KDM4C: variants seen among roughly 807,000 people sequenced by gnomAD.
KDM4C encodes lysine demethylase 4C.
Under a neutral mutation model 129.3 loss-of-function variants are expected in KDM4C, and 81 were observed. That is an observed-to-expected ratio of 0.63 (90% CI 0.52 to 0.75). KDM4C has a LOEUF of 0.75. Ranked by LOEUF, KDM4C falls within the 30% of genes least tolerant of loss-of-function variation. The pLI is 0.00. For synonymous variants in KDM4C, 573 were observed against 456.1 expected (o/e 1.26, Z -3.26); for missense variants, 1,457 against 1,304.0 (o/e 1.12, Z -1.81).
chr9:6,831,937 A>G (rs1834901431), intron 4 of KDM4C, among the ~76,000 whole-genome samples: 2 of 152,232 alleles, frequency 1.3e-5, no homozygotes, highest in Middle Eastern at 3.2e-3. Context: ...TTAGTAAGGA[A>G]GGTGAAACTA....
chr9:6,971,891 T>C (rs1380718516), intron 8 of KDM4C, among the ~76,000 whole-genome samples: 1 of 152,216 alleles, frequency 6.6e-6, no homozygotes, highest in Non-Finnish European at 1.5e-5. Flanking sequence ...GACTTGTTTC[T>C]AACATTGCTG....
At chr9:6,737,663 T>TC (rs1817568456) in intron 1 of KDM4C, among the ~76,000 whole-genome samples, 1 of 28,110 alleles carries the variant, frequency 3.6e-5, no homozygotes, top group Admixed American at 4.8e-4. Context: ...AGACTTCATC[T>TC]CAAAAAAAAA....
At chr9:7,108,568 G>A (rs1837964587) in intron 18 of KDM4C, among the ~76,000 whole-genome samples, 3 of 152,120 alleles carry the variant, frequency 2.0e-5, no homozygotes, top group Admixed American at 2.0e-4. Flanking sequence ...GGGTCTTTAG[G>A]CCAGCTCCCA....
At chr9:6,917,281 C>G (rs1442142478) in intron 8 of KDM4C, among the ~76,000 whole-genome samples, 1 of 152,164 alleles carries the variant, frequency 6.6e-6, no homozygotes, top group Admixed American at 6.6e-5. Flanking sequence ...ATCTACACCA[C>G]CTGTCTCTCA....
intron 17 of KDM4C, among the ~76,000 whole-genome samples, chr9:7,063,750 A>G (rs904765015): frequency 6.6e-6 from 1 of 152,214 alleles, no homozygotes; most frequent in African/African-American, 2.4e-5. Context: ...AACTTTCTGG[A>G]AGAAACAGTG....
chr9:6,744,385 C>T (rs571386864), intron 1 of KDM4C, among the ~76,000 whole-genome samples: 8 of 152,122 alleles, frequency 5.3e-5, no homozygotes, highest in Admixed American at 5.2e-4. Flanking sequence ...ATTAGCTGGG[C>T]ATGGTGGCGT....
At chr9:6,792,115 C>T (rs1826767484) in intron 1 of KDM4C, among the ~76,000 whole-genome samples, 1 of 152,118 alleles carries the variant, frequency 6.6e-6, no homozygotes, top group African/African-American at 2.4e-5. Context: ...CAGAGGCTGG[C>T]GGATTGGCTG....
chr9:6,828,054 C>T (rs1834173556), intron 4 of KDM4C, among the ~76,000 whole-genome samples: 2 of 152,180 alleles, frequency 1.3e-5, no homozygotes, highest in South Asian at 2.1e-4. Context: ...GTTGGAAGAG[C>T]AGTTAAAGCC....
Position 6,992,660 on chromosome 9 carries a change from A to G in KDM4C, c.1786+2136A>G, listed in dbSNP as rs1339847004. 2.0e-5 allele frequency among the ~76,000 whole-genome samples: 3 copies of G among 152,226 alleles called. No individual in the cohort carries two copies. The East Asian group carries it at 5.8e-4, about 29-fold the overall frequency. On this transcript the variant is annotated intron_variant, in intron 12 of 21. Transcript: ENST00000381309. ...ATGTTGCTTGCAAAGTTGAAAGTGA[A>G]TAAACATTATCATTGTTAGATTGTG...
Position 6,795,643 on chromosome 9 carries a change from T to C in KDM4C, c.144+2511T>C, listed in dbSNP as rs114831608. On this transcript the variant is annotated intron_variant, in intron 2 of 21. Transcript: ENST00000381309. Reference sequence around the variant, plus strand: ...CACCGTGCCCGGACATGTATCTTGTTAAAGTTCATGCCCTTCCTAGAAAAT... The same window carrying C: ...CACCGTGCCCGGACATGTATCTTGTCAAAGTTCATGCCCTTCCTAGAAAAT... Among the ~76,000 whole-genome samples, 967 of 152,206 alleles carry C rather than the reference T, an allele frequency of 6.4e-3. 12 individuals carry two copies. The highest frequency in any genetic ancestry group is 0.022 in the African/African-American group (909 of 41,548).
chr9:6,832,461 T>A (rs1835020437), intron 4 of KDM4C, among the ~76,000 whole-genome samples: 1 of 143,602 alleles, frequency 7.0e-6, no homozygotes, highest in Non-Finnish European at 1.5e-5. Context: ...AGTCTCGCTC[T>A]GTCACCCAGG....
At chr9:7,080,883 T>A (rs746502607) in intron 17 of KDM4C, among the ~76,000 whole-genome samples, 4 of 152,214 alleles carry the variant, frequency 2.6e-5, no homozygotes, top group Non-Finnish European at 5.9e-5. Flanking sequence ...CACTGACCAC[T>A]AGTTTATAAA....
chr9:7,046,734 C>CCT (rs1829453514), intron 15 of KDM4C, 128 bp from the exon 16 acceptor site: 1 of 736,524 alleles, frequency 1.4e-6, no homozygotes. Context: ...AGAGATAGAC[C>CCT]TTCATGTAAT....
chr9:6,990,536 A>T lies in KDM4C; in HGVS notation c.1786+12A>T, dbSNP rs746165838. On this transcript the variant is annotated intron_variant, in intron 12 of 21. Coordinates refer to ENST00000381309, the MANE Select transcript of KDM4C (RefSeq NM_015061.6). ...GCCAAGTGATGAAGGTGAGATGGTG[A>T]CCCTTTTTGGGATTTTTTTTTTTTT... The T allele has an allele frequency of 7.4e-6, 11 of 1,477,098 alleles. No homozygotes were observed. Among genetic ancestry groups the T allele is most frequent in the South Asian group, 1.3e-5 (1 of 79,810 alleles). 91.5% of individuals were successfully genotyped at this position (1,477,098 alleles called of 1,614,324 possible).
chr9:6,962,459 C>A (rs1830197622), intron 8 of KDM4C, among the ~76,000 whole-genome samples: 1 of 152,106 alleles, frequency 6.6e-6, no homozygotes. Flanking sequence ...CATAATCAGA[C>A]CGTATGAAGT....
chr9:7,038,212 TG>T (rs1241495256), intron 15 of KDM4C, among the ~76,000 whole-genome samples: 2 of 152,150 alleles, frequency 1.3e-5, no homozygotes, highest in African/African-American at 4.8e-5. Context: ...AATTTCTTTA[TG>T]TGTGTGTCTG....
intron 8 of KDM4C, among the ~76,000 whole-genome samples, chr9:6,948,946 A>G (rs949461274): frequency 3.3e-5 from 5 of 150,476 alleles, no homozygotes; most frequent in African/African-American, 1.3e-4. Flanking sequence ...CCCCTTCTCT[A>G]TTCGACGAAA....
At chr9:7,055,172 G>A (rs373793228) in intron 17 of KDM4C, among the ~76,000 whole-genome samples, 7 of 152,246 alleles carry the variant, frequency 4.6e-5, no homozygotes, top group East Asian at 3.9e-4. Context: ...GCAAGGCTAC[G>A]TCTCAAAAAA....
At position 6,985,971 on chromosome 9, in the gene KDM4C, G is replaced by A. The variant is rs149538193; in HGVS notation, c.1355-373G>A. ...CTCCCAAAGTGCTGGGATTACACACGTGAGCCACCGTGCCCGGCTCCTCAT... is the reference window on the plus strand; with the variant it reads ...CTCCCAAAGTGCTGGGATTACACACATGAGCCACCGTGCCCGGCTCCTCAT... On this transcript the variant is annotated intron_variant, in intron 10 of 21. Transcript: ENST00000381309. Among the ~76,000 whole-genome samples, 27 of 152,324 alleles carry A rather than the reference G, an allele frequency of 1.8e-4. No homozygotes were observed. In the East Asian group the frequency reaches 5.0e-3, roughly 28 times the overall value.
Sources: allele counts gnomAD v4.1 joint callset (sites outside exome capture counted in the v4.1 genomes callset), GRCh38; gene constraint gnomAD v4.1.1; transcripts MANE v1.5; gene names NCBI Gene and HGNC (gene_info 2026-07-23, HGNC 2026-07-21).